Variants in KCNIP4 observed in about 807,000 individuals in gnomAD.
KCNIP4 encodes Kv channel-interacting protein 4.
Under a neutral mutation model 34.0 loss-of-function variants are expected in KCNIP4, and 12 were observed. The observed-to-expected ratio is 0.35, with a 90% confidence interval of 0.23 to 0.57. KCNIP4 has a LOEUF of 0.57. Ranked by LOEUF, KCNIP4 falls within the 20% of genes least tolerant of loss-of-function variation. The pLI is 0.83. For missense variants in KCNIP4, 238 were observed against 311.7 expected (o/e 0.76, Z 1.78); for synonymous variants, 124 against 102.2 (o/e 1.21, Z -1.29).
chr4:21,060,225 A>C (rs1162143958), intron 1 of KCNIP4, among the ~76,000 whole-genome samples: 2 of 152,150 alleles, frequency 1.3e-5, no homozygotes, highest in African/African-American at 4.8e-5. Context: ...AACTCTGGCA[A>C]CTGGTTTGCC....
At chr4:20,839,128 CTG>C (rs1464922312) in intron 3 of KCNIP4, among the ~76,000 whole-genome samples, 2 of 152,052 alleles carry the variant, frequency 1.3e-5, no homozygotes, top group Non-Finnish European at 2.9e-5. Flanking sequence ...AAGAACAAAT[CTG>C]TGTTTTCTAA....
rs182763172 is a variant in KCNIP4 at position 20,731,167 on chromosome 4, T to G, written c.705+839A>C. On this transcript the variant is annotated intron_variant, in intron 8 of 8. Transcript: ENST00000382152. ...TGGCACAATCATGGCTCAACAGGGATCAAGTGATCTTCCTGCCTCAGCCTC... is the reference window on the plus strand; with the variant it reads ...TGGCACAATCATGGCTCAACAGGGAGCAAGTGATCTTCCTGCCTCAGCCTC... Among the ~76,000 whole-genome samples the G allele has an allele frequency of 3.9e-5, 6 of 152,264 alleles. No individual in the cohort carries two copies. In the East Asian group the frequency reaches 1.2e-3, roughly 29 times the overall value.
chr4:20,913,463 A>G (rs775555932), intron 1 of KCNIP4, among the ~76,000 whole-genome samples: 1 of 152,190 alleles, frequency 6.6e-6, no homozygotes, highest in African/African-American at 2.4e-5. Context: ...AGCTAGTGGT[A>G]ATGATTGCAT....
At chr4:21,867,656 A>G (rs572765259) in intron 1 of KCNIP4, among the ~76,000 whole-genome samples, 8 of 152,350 alleles carry the variant, frequency 5.3e-5, no homozygotes, top group African/African-American at 1.7e-4. Flanking sequence ...ACAAGCCACA[A>G]CCAGGCCAAA....
intron 1 of KCNIP4, among the ~76,000 whole-genome samples, chr4:21,625,907 A>G (rs1745287153): frequency 2.0e-5 from 3 of 152,100 alleles, no homozygotes; most frequent in Non-Finnish European, 4.4e-5. Flanking sequence ...CTTGGTTTGG[A>G]ATGAATATTT....
At chr4:21,105,542 C>T (rs895067160) in intron 1 of KCNIP4, among the ~76,000 whole-genome samples, 2 of 151,644 alleles carry the variant, frequency 1.3e-5, no homozygotes, top group African/African-American at 4.9e-5. Context: ...CATCTGCAAA[C>T]AGGGACAACT....
chr4:20,830,054 C>A (rs1041217959), intron 3 of KCNIP4, among the ~76,000 whole-genome samples: 8 of 152,184 alleles, frequency 5.3e-5, no homozygotes, highest in African/African-American at 1.9e-4. Flanking sequence ...TTTCCCATTT[C>A]AGAATGTCAA....
At chr4:21,156,157 T>G (rs577716016) in intron 1 of KCNIP4, among the ~76,000 whole-genome samples, 1 of 152,316 alleles carries the variant, frequency 6.6e-6, no homozygotes, top group Admixed American at 6.5e-5. Context: ...ACATAGATTC[T>G]GTGTTGTCTT....
chr4:21,005,012 G>A (rs1738437037), intron 1 of KCNIP4, among the ~76,000 whole-genome samples: 1 of 152,092 alleles, frequency 6.6e-6, no homozygotes, highest in African/African-American at 2.4e-5. Flanking sequence ...GACCAATAAG[G>A]TGTTATTTGG....
chr4:20,822,232 A>C (rs1180713578), intron 3 of KCNIP4, among the ~76,000 whole-genome samples: 1 of 152,156 alleles, frequency 6.6e-6, no homozygotes, highest in African/African-American at 2.4e-5. Flanking sequence ...AAAAACAAAT[A>C]ATCCCATCAA....
chr4:21,844,554 T>C (rs938626423), intron 1 of KCNIP4: 6 of 152,182 alleles, frequency 3.9e-5, no homozygotes, highest in Admixed American at 3.3e-4. Flanking sequence ...AGTACAATGG[T>C]GAATGGGGAT....
chr4:20,961,548 A>C (rs775478659), intron 1 of KCNIP4, among the ~76,000 whole-genome samples: 1 of 152,244 alleles, frequency 6.6e-6, no homozygotes, highest in Non-Finnish European at 1.5e-5. Flanking sequence ...TAAAAAAAAC[A>C]AAAGGAAATT....
intron 1 of KCNIP4, among the ~76,000 whole-genome samples, chr4:21,147,398 T>C (rs891994723): frequency 1.3e-5 from 2 of 152,188 alleles, no homozygotes; most frequent in African/African-American, 2.4e-5. Context: ...TATTAAACTC[T>C]TTTCAAATTA....
At chr4:21,614,038 T>C (rs1744395004) in intron 1 of KCNIP4, among the ~76,000 whole-genome samples, 1 of 150,900 alleles carries the variant, frequency 6.6e-6, no homozygotes, top group African/African-American at 2.4e-5. Flanking sequence ...GTAATCCAGC[T>C]ATGCGGGAGA....
At chr4:21,718,363 T>G (rs914665457) in intron 1 of KCNIP4, 1 of 152,222 alleles carries the variant, frequency 6.6e-6, no homozygotes, top group African/African-American at 2.4e-5. Flanking sequence ...TGTATATGGT[T>G]GCTAGTTTTA....
chr4:21,716,928 G>A (rs1239002381), intron 1 of KCNIP4, among the ~76,000 whole-genome samples: 2 of 152,168 alleles, frequency 1.3e-5, no homozygotes, highest in African/African-American at 4.8e-5. Flanking sequence ...TAGACGGAAA[G>A]AATCAAGTTC....
At chr4:21,610,776 C>T (rs1451994895) in intron 1 of KCNIP4, among the ~76,000 whole-genome samples, 4 of 151,922 alleles carry the variant, frequency 2.6e-5, no homozygotes, top group African/African-American at 9.7e-5. Flanking sequence ...GGTGGGGAGG[C>T]CTCAGGAAAC....
chr4:20,967,541 T>C (rs985658545), intron 1 of KCNIP4, among the ~76,000 whole-genome samples: 1 of 152,198 alleles, frequency 6.6e-6, no homozygotes, highest in Non-Finnish European at 1.5e-5. Context: ...ACTACAAGGC[T>C]ACAGTAACCA....
chr4:21,605,722 C>T (rs900638636), intron 1 of KCNIP4, among the ~76,000 whole-genome samples: 13 of 152,080 alleles, frequency 8.5e-5, no homozygotes, highest in South Asian at 2.1e-4. Flanking sequence ...CTCAGGTGAT[C>T]GCCTACCTCG....
Sources: allele counts gnomAD v4.1 joint callset (sites outside exome capture counted in the v4.1 genomes callset), GRCh38; gene constraint gnomAD v4.1.1; transcripts MANE v1.5; gene names NCBI Gene and HGNC (gene_info 2026-07-23, HGNC 2026-07-21).